The following ST6GALNAC3 variants were observed in gnomAD, a reference collection of about 807,000 sequenced individuals.
The protein encoded by ST6GALNAC3 is alpha-N-acetylgalactosaminide alpha-2,6-sialyltransferase 3.
Under a neutral mutation model 32.7 loss-of-function variants are expected in ST6GALNAC3, and 25 were observed. The observed-to-expected ratio is 0.76, with a 90% CI of 0.56 to 1.07. ST6GALNAC3 has a LOEUF of 1.07. ST6GALNAC3 is among the 50% of genes least tolerant of loss of function. The pLI, the probability that ST6GALNAC3 is intolerant of heterozygous loss-of-function variation, is 0.00. For synonymous variants in ST6GALNAC3, 129 were observed against 133.1 expected (o/e 0.97, Z 0.21); for missense variants, 355 against 382.4 (o/e 0.93, Z 0.60).
chr1:76,544,096 T>TA (rs1664152253), intron 3 of ST6GALNAC3, among the ~76,000 whole-genome samples: 1 of 150,276 alleles, frequency 6.7e-6, no homozygotes, highest in Admixed American at 6.6e-5. Context: ...TATATATATA[T>TA]ATATGAAATT....
chr1:76,242,016 C>T (rs1383265502), intron 1 of ST6GALNAC3, among the ~76,000 whole-genome samples: 1 of 152,128 alleles, frequency 6.6e-6, no homozygotes, highest in African/African-American at 2.4e-5. Context: ...GATTGATCAT[C>T]CTTACTTTGC....
intron 1 of ST6GALNAC3, among the ~76,000 whole-genome samples, chr1:76,151,648 CTGAG>C (rs1651050106): frequency 6.6e-6 from 1 of 151,922 alleles, no homozygotes; most frequent in African/African-American, 2.4e-5. Flanking sequence ...ACAGGTGCCT[CTGAG>C]TGATCACACC....
At chr1:76,409,024 G>A (rs553629164) in intron 2 of ST6GALNAC3, among the ~76,000 whole-genome samples, 1 of 152,128 alleles carries the variant, frequency 6.6e-6, no homozygotes, top group Non-Finnish European at 1.5e-5. Context: ...AGAATATTAT[G>A]TTCTTCTCTA....
chr1:76,562,344 C>G (rs1665290795), intron 3 of ST6GALNAC3, among the ~76,000 whole-genome samples: 2 of 152,090 alleles, frequency 1.3e-5, no homozygotes, highest in Admixed American at 1.3e-4. Flanking sequence ...AGATGATAGA[C>G]AAGGATATAA....
intron 1 of ST6GALNAC3, among the ~76,000 whole-genome samples, chr1:76,300,724 G>A (rs559041956): frequency 3.9e-5 from 6 of 152,146 alleles, no homozygotes; most frequent in African/African-American, 1.2e-4. Context: ...CTGGGGAGAA[G>A]GTGGGATATG....
chr1:76,193,115 G>GA (rs1395465894), intron 1 of ST6GALNAC3, among the ~76,000 whole-genome samples: 4 of 152,132 alleles, frequency 2.6e-5, no homozygotes, highest in South Asian at 2.1e-4. Context: ...AAATTAGGTA[G>GA]AAAAAATATC....
intron 1 of ST6GALNAC3, among the ~76,000 whole-genome samples, chr1:76,214,496 A>G (rs898952260): frequency 6.6e-6 from 1 of 152,186 alleles, no homozygotes; most frequent in South Asian, 2.1e-4. Context: ...AACAAATTAC[A>G]AAAGATTGAT....
At chr1:76,493,898 T>A (rs1157092599) in intron 3 of ST6GALNAC3, among the ~76,000 whole-genome samples, 2 of 152,172 alleles carry the variant, frequency 1.3e-5, no homozygotes, top group African/African-American at 4.8e-5. Context: ...TCAGGGGATA[T>A]GAACAGTTTC....
At chr1:76,255,381 T>G (rs1025514896) in intron 1 of ST6GALNAC3, among the ~76,000 whole-genome samples, 1 of 152,102 alleles carries the variant, frequency 6.6e-6, no homozygotes, top group Non-Finnish European at 1.5e-5. Flanking sequence ...CCTGCAGATG[T>G]TAAATTATCT....
At chr1:76,179,574 G>T (rs1324038206) in intron 1 of ST6GALNAC3, among the ~76,000 whole-genome samples, 3 of 152,104 alleles carry the variant, frequency 2.0e-5, no homozygotes, top group Non-Finnish European at 2.9e-5. Context: ...TATGACTCAG[G>T]TTCCTCCCTT....
intron 1 of ST6GALNAC3, among the ~76,000 whole-genome samples, chr1:76,223,388 T>C (rs1248759616): frequency 6.6e-6 from 1 of 152,092 alleles, no homozygotes; most frequent in Non-Finnish European, 1.5e-5. Flanking sequence ...CAACAGATAC[T>C]GGGGCTTATT....
At chr1:76,290,427 A>C (rs4262595) in intron 1 of ST6GALNAC3, among the ~76,000 whole-genome samples, 47,750 of 152,138 alleles carry the variant, frequency 0.31, 8,580 homozygotes, top group Non-Finnish European at 0.41. Context: ...CATGGAATGA[A>C]TACCTCATTA....
intron 1 of ST6GALNAC3, among the ~76,000 whole-genome samples, chr1:76,269,810 C>T (rs942318324): frequency 2.0e-5 from 3 of 152,300 alleles, no homozygotes; most frequent in Middle Eastern, 3.4e-3. Context: ...TGAATACACC[C>T]TCCAAAATCT....
Position 76,200,546 on chromosome 1 carries a change from A to G in ST6GALNAC3, c.19-113259A>G, listed in dbSNP as rs112997991. Reference sequence around the variant, plus strand: ...AATAACCTATATTGCTTAGATTTCTATTTTCTGATTAGATGGTGGCTACCA... The same window carrying G: ...AATAACCTATATTGCTTAGATTTCTGTTTTCTGATTAGATGGTGGCTACCA... On this transcript the variant is annotated intron_variant, in intron 1 of 4. Transcript: ENST00000328299. Among the ~76,000 whole-genome samples, 583 of 152,170 alleles carry G rather than the reference A, an allele frequency of 3.8e-3. 5 individuals are homozygous for G. Among genetic ancestry groups the G allele is most frequent in the African/African-American group, 0.013 (535 of 41,508 alleles).
At chr1:76,599,093 G>C (rs1208792486) in intron 3 of ST6GALNAC3, among the ~76,000 whole-genome samples, 4 of 151,714 alleles carry the variant, frequency 2.6e-5, no homozygotes, top group Non-Finnish European at 5.9e-5. Context: ...GATAATTGTT[G>C]ATTTTCATAA....
chr1:76,338,213 A>G (rs1647664527), intron 2 of ST6GALNAC3, among the ~76,000 whole-genome samples: 1 of 152,138 alleles, frequency 6.6e-6, no homozygotes, highest in South Asian at 2.1e-4. Context: ...CCAGGAGAGG[A>G]GGTTTTTGCT....
intron 2 of ST6GALNAC3, among the ~76,000 whole-genome samples, chr1:76,400,825 G>A (rs1653355500): frequency 6.7e-6 from 1 of 149,484 alleles, no homozygotes; most frequent in Admixed American, 6.6e-5. Context: ...AACCTGGGAG[G>A]CAGAGGCTGC....
At chr1:76,475,065 G>A (rs909046981) in intron 3 of ST6GALNAC3, among the ~76,000 whole-genome samples, 10 of 150,934 alleles carry the variant, frequency 6.6e-5, no homozygotes, top group African/African-American at 1.2e-4. Flanking sequence ...CTTTTGTTCC[G>A]TGTGTGCATA....
intron 3 of ST6GALNAC3, among the ~76,000 whole-genome samples, chr1:76,605,882 A>AAG (rs1647508512): frequency 6.7e-6 from 1 of 149,120 alleles, no homozygotes; most frequent in Admixed American, 6.7e-5. Flanking sequence ...AAAAAAAAAA[A>AAG]AAAAAAAGGA....
Sources: gnomAD v4.1 joint callset for allele counts (sites outside exome capture counted in the v4.1 genomes callset) on GRCh38, gnomAD v4.1.1 for gene constraint, MANE v1.5 for transcripts, NCBI Gene and HGNC (gene_info 2026-07-23, HGNC 2026-07-21) for gene names.